Variants in ROBO2 observed in about 807,000 individuals in gnomAD.
ROBO2 encodes roundabout guidance receptor 2, also known as roundabout homolog 2.
In ROBO2, 53 loss-of-function variants were observed where a neutral mutation model predicts 160.8. The ratio of observed to expected loss-of-function variants is 0.33; its 90% CI spans 0.26 to 0.41. The LOEUF (loss-of-function observed/expected upper bound fraction) is 0.41. Ranked by LOEUF, ROBO2 falls within the 10% of genes least tolerant of loss-of-function variation. The probability of loss-of-function intolerance (pLI) is 1.00; values close to 1 mark genes in which losing one functional copy is unlikely to be tolerated. For synonymous variants in ROBO2, 664 were observed against 611.7 expected (o/e 1.09, Z -1.26); for missense variants, 1,577 against 1,722.4 (o/e 0.92, Z 1.49).
chr3:76,788,852 GT>G (rs2063165753), intron 2 of ROBO2, among the ~76,000 whole-genome samples: 1 of 151,536 alleles, frequency 6.6e-6, no homozygotes. Context: ...CTAAGAGAAA[GT>G]TTAACAGTGA....
chr3:77,531,529 C>T (rs1308340023), intron 6 of ROBO2, among the ~76,000 whole-genome samples: 1 of 78,828 alleles, frequency 1.3e-5, no homozygotes, highest in Non-Finnish European at 2.4e-5. Context: ...CTGAGGCCAC[C>T]AAGAAGTCCA....
At chr3:76,302,345 G>A (rs1311353471) in intron 2 of ROBO2, among the ~76,000 whole-genome samples, 1 of 151,984 alleles carries the variant, frequency 6.6e-6, no homozygotes. Flanking sequence ...TTTCTAAATA[G>A]TAAAGTTAAC....
At chr3:77,340,580 C>T (rs1346724389) in intron 2 of ROBO2, among the ~76,000 whole-genome samples, 1 of 152,048 alleles carries the variant, frequency 6.6e-6, no homozygotes, top group Non-Finnish European at 1.5e-5. Flanking sequence ...AAATATAATT[C>T]AGATCTTTTT....
intron 2 of ROBO2, among the ~76,000 whole-genome samples, chr3:77,417,403 G>C (rs2077342748): frequency 6.6e-6 from 1 of 152,042 alleles, no homozygotes; most frequent in Non-Finnish European, 1.5e-5. Flanking sequence ...ACAGCATAAA[G>C]AAAAGGATTA....
At chr3:76,444,022 G>A (rs2077050938) in intron 2 of ROBO2, among the ~76,000 whole-genome samples, 1 of 152,096 alleles carries the variant, frequency 6.6e-6, no homozygotes, top group Admixed American at 6.5e-5. Flanking sequence ...CTGGAGTGCA[G>A]TGGCACAATC....
At chr3:77,466,227 G>A (rs1029398767) in intron 2 of ROBO2, among the ~76,000 whole-genome samples, 1 of 152,112 alleles carries the variant, frequency 6.6e-6, no homozygotes, top group African/African-American at 2.4e-5. Flanking sequence ...AAGAATATAG[G>A]ATGTCAAATT....
intron 5 of ROBO2, among the ~76,000 whole-genome samples, chr3:77,500,294 A>G (rs1231547918): frequency 6.6e-6 from 1 of 152,146 alleles, no homozygotes; most frequent in Non-Finnish European, 1.5e-5. Context: ...CTCCTACTTG[A>G]GGGTTACAGA....
At chr3:75,944,468 A>G (rs1338339546) in intron 2 of ROBO2, among the ~76,000 whole-genome samples, 1 of 152,158 alleles carries the variant, frequency 6.6e-6, no homozygotes, top group Non-Finnish European at 1.5e-5. Flanking sequence ...TAAAAAACTC[A>G]TGAATTACAC....
chr3:76,026,037 T>C (rs944991111), intron 2 of ROBO2, among the ~76,000 whole-genome samples: 33 of 151,980 alleles, frequency 2.2e-4, no homozygotes, highest in African/African-American at 7.7e-4. Flanking sequence ...TATACTTGGC[T>C]GACAGAGTTT....
At chr3:76,549,701 C>T (rs2083306024) in intron 2 of ROBO2, among the ~76,000 whole-genome samples, 1 of 152,148 alleles carries the variant, frequency 6.6e-6, no homozygotes, top group South Asian at 2.1e-4. Flanking sequence ...GATTCAGTTT[C>T]TCCAGAAGCA....
chr3:77,509,498 T>C (rs1054369720), intron 5 of ROBO2, among the ~76,000 whole-genome samples: 3 of 152,128 alleles, frequency 2.0e-5, no homozygotes, highest in African/African-American at 7.2e-5. Context: ...TGTGAAAAAC[T>C]GTGTTAATTG....
chr3:77,419,170 C>T (rs1281872433), intron 2 of ROBO2, among the ~76,000 whole-genome samples: 1 of 152,038 alleles, frequency 6.6e-6, no homozygotes, highest in Non-Finnish European at 1.5e-5. Context: ...ACATAAACTC[C>T]TATGTCTGGT....
intron 2 of ROBO2, among the ~76,000 whole-genome samples, chr3:77,452,461 G>A (rs2081216689): frequency 6.6e-6 from 1 of 152,132 alleles, no homozygotes; most frequent in Admixed American, 6.5e-5. Flanking sequence ...CGAAAAGCAT[G>A]CTTATAAGTG....
chr3:76,422,922 A>G (rs190957929), intron 2 of ROBO2, among the ~76,000 whole-genome samples: 121 of 152,240 alleles, frequency 7.9e-4, no homozygotes, highest in African/African-American at 2.7e-3. Flanking sequence ...CACTAGGAAA[A>G]TTATCTGTTT....
chr3:76,596,621 C>G (rs565592830), intron 2 of ROBO2, among the ~76,000 whole-genome samples: 165 of 152,222 alleles, frequency 1.1e-3, no homozygotes, highest in African/African-American at 3.9e-3. Flanking sequence ...CTCACTCCCA[C>G]TGGCACTTGA....
chr3:76,439,839 T>C (rs913171699), intron 2 of ROBO2, among the ~76,000 whole-genome samples: 7 of 152,156 alleles, frequency 4.6e-5, no homozygotes, highest in Non-Finnish European at 8.8e-5. Flanking sequence ...GCCGTTGACT[T>C]GAGGGGATGT....
chr3:77,026,802 G>A (rs1363267736), intron 2 of ROBO2, among the ~76,000 whole-genome samples: 3 of 152,124 alleles, frequency 2.0e-5, no homozygotes, highest in Non-Finnish European at 4.4e-5. Flanking sequence ...ATAAAAAATT[G>A]TTAAGTGAAT....
At chr3:76,242,819 A>G (rs62268380) in intron 2 of ROBO2, among the ~76,000 whole-genome samples, 18,829 of 152,070 alleles carry the variant, frequency 0.12, 1,827 homozygotes, top group East Asian at 0.41. Flanking sequence ...CGGGAGTTGA[A>G]GCCGCAGTGA....
intron 2 of ROBO2, among the ~76,000 whole-genome samples, chr3:76,022,445 A>T (rs1185141520): frequency 6.6e-6 from 1 of 151,754 alleles, no homozygotes; most frequent in African/African-American, 2.4e-5. Context: ...TAACCTTATC[A>T]TATTTAGTTC....
Sources: allele counts gnomAD v4.1 joint callset (sites outside exome capture counted in the v4.1 genomes callset), GRCh38; gene constraint gnomAD v4.1.1; transcripts MANE v1.5; gene names NCBI Gene and HGNC (gene_info 2026-07-23, HGNC 2026-07-21).